Variants in RPS3 observed in about 807,000 individuals in gnomAD.
The protein encoded by RPS3 is ribosomal protein S3.
RPS3 carries 2 observed loss-of-function variants against 25.8 expected under a neutral mutation model. That is an observed-to-expected ratio of 0.08 (90% confidence interval 0.03 to 0.24). The LOEUF (loss-of-function observed/expected upper bound fraction) is 0.24, where lower values mean the gene tolerates loss of function less well. Among genes scored for constraint, RPS3 ranks in the 10% least tolerant of loss-of-function variants. The pLI is 1.00. For synonymous variants in RPS3, 114 were observed against 114.2 expected (o/e 1.00, Z 0.01); for missense variants, 107 against 307.1 (o/e 0.35, Z 4.87).
chr11:75,413,805 G>T (rs1329548756), intron 6 of RPS3, among the ~76,000 whole-genome samples: 1 of 152,126 alleles, frequency 6.6e-6, no homozygotes, highest in Non-Finnish European at 1.5e-5. Context: ...CAGCAAATTA[G>T]GTATTGTATC....
chr11:75,401,848 T>A (rs1017238007), intron 3 of RPS3, 115 bp downstream of exon 3: 15 of 676,704 alleles, frequency 2.2e-5, no homozygotes, highest in Non-Finnish European at 3.2e-5. Flanking sequence ...GTATAACTGT[T>A]GAAATTCTCT....
In RPS3 at chr11:75,404,500, G is replaced by C; in HGVS notation, c.539-172G>C. The C allele has an allele frequency of 1.2e-6, 1 of 811,788 alleles. No individual in the cohort carries two copies. The highest frequency in any genetic ancestry group is 2.2e-6 in the Non-Finnish European group (1 of 448,968). 50.3% of individuals were successfully genotyped at this position (811,788 alleles called of 1,614,324 possible). ...TGTCAGTGCCATGTTCTGTGGTGCT[G>C]TGCACGAGTTCCTTTGGCAGAAGTG... On this transcript the variant is annotated intron_variant, in intron 5 of 6. Transcript: ENST00000531188. The surrounding 1 kb of genome is among the most constrained non-coding windows in gnomAD (Gnocchi z 4.6).
In RPS3 at chr11:75,402,543, CA is replaced by C. The variant is rs144854939; in HGVS notation, c.350+98del. ...TAGCAGATGAACTGTTACAAAGTTA[CA>C]GGATCTGCTAGTCTCCCAGGGTTAT... is the stretch of plus-strand genomic sequence containing the variant. On this transcript the variant is annotated intron_variant, in intron 4 of 6. Coordinates refer to ENST00000531188, the MANE Select transcript of RPS3 (RefSeq NM_001005.5). 695 of 1,315,018 alleles carry C rather than the reference CA, an allele frequency of 5.3e-4. 2 individuals carry two copies. In the African/African-American group the frequency reaches 9.1e-3, roughly 17 times the overall value. 81.5% of individuals were successfully genotyped at this position (1,315,018 alleles called of 1,614,324 possible). A position where few individuals can be genotyped will look rare whatever the true frequency, so the allele number is the denominator to read the frequency against.
intron 6 of RPS3, among the ~76,000 whole-genome samples, chr11:75,416,196 C>T (rs1156985221): frequency 6.6e-6 from 1 of 152,164 alleles, no homozygotes; most frequent in Non-Finnish European, 1.5e-5. Flanking sequence ...TAGCACAATG[C>T]CTGACCTATC....
chr11:75,414,598 G>A (rs1352365349), intron 6 of RPS3, among the ~76,000 whole-genome samples: 3 of 131,808 alleles, frequency 2.3e-5, no homozygotes, highest in South Asian at 2.6e-4. Flanking sequence ...GCGACAGAGC[G>A]AGACTCTCAA....
At position 75,404,587 on chromosome 11, in the gene RPS3, G is replaced by T; in HGVS notation, c.539-85G>T. 2 of 1,354,198 alleles carry T rather than the reference G, an allele frequency of 1.5e-6. No homozygotes were observed. Among genetic ancestry groups the T allele is most frequent in the South Asian group, 2.4e-5 (2 of 85,036 alleles). The allele number at this position is 1,354,198 out of a possible 1,614,324, so 83.9% of individuals were successfully genotyped here. ...GAAGGGTCCAGACCCAGGGGTGCTT[G>T]AGTAAACTGCTTGCTCTCTTTGGTC... is the stretch of plus-strand genomic sequence containing the variant. On this transcript the variant is annotated intron_variant, in intron 5 of 6. Transcript: ENST00000531188. The surrounding 1 kb of genome is among the most constrained non-coding windows in gnomAD (Gnocchi z 4.6).
At chr11:75,413,686 C>T (rs542037395) in intron 6 of RPS3, among the ~76,000 whole-genome samples, 2 of 152,250 alleles carry the variant, frequency 1.3e-5, no homozygotes, top group Non-Finnish European at 2.9e-5. Context: ...TGTTCAGAAG[C>T]CATTTTAGAA....
At chr11:75,402,506 C>T (rs1948225207) in intron 4 of RPS3, 60 bp downstream of exon 4, 1 of 1,530,620 alleles carries the variant, frequency 6.5e-7, no homozygotes, top group Non-Finnish European at 8.9e-7. Flanking sequence ...ACATGTCTGC[C>T]ATTTGTTAAT....
intron 6 of RPS3, among the ~76,000 whole-genome samples, chr11:75,418,124 A>C (rs866429781): frequency 1.3e-5 from 2 of 152,218 alleles, no homozygotes; most frequent in South Asian, 2.1e-4. Context: ...CTAAGGCCAC[A>C]CAGCTGAAGC....
At chr11:75,414,109 A>G (rs1220332656) in intron 6 of RPS3, among the ~76,000 whole-genome samples, 1 of 152,202 alleles carries the variant, frequency 6.6e-6, no homozygotes, top group African/African-American at 2.4e-5. Flanking sequence ...TGTCTGACCC[A>G]GCTGCTGAAA....
intron 4 of RPS3, 115 bp downstream of exon 4, chr11:75,402,561 C>T: frequency 8.9e-7 from 1 of 1,121,064 alleles, no homozygotes; most frequent in Admixed American, 2.4e-5. Flanking sequence ...GCTAGTCTCC[C>T]AGGGTTATAA....
intron 4 of RPS3, chr11:75,403,139 G>A (rs1013654995): frequency 2.0e-5 from 3 of 152,206 alleles, no homozygotes; most frequent in African/African-American, 7.2e-5. Context: ...GGTAGGGATG[G>A]GTAGTGTAGG....
chr11:75,409,717 G>C (rs1592028830), downstream of RPS3, among the ~76,000 whole-genome samples: 2 of 151,142 alleles, frequency 1.3e-5, no homozygotes, highest in Admixed American at 1.3e-4. Context: ...TCCCAGACGG[G>C]GTCGTGGCCG....
At chr11:75,410,888 T>C (rs1948351856), downstream of RPS3, among the ~76,000 whole-genome samples, 1 of 152,198 alleles carries the variant, frequency 6.6e-6, no homozygotes, top group African/African-American at 2.4e-5. Flanking sequence ...CTATTTTTTA[T>C]TATTTTTTGA....
chr11:75,413,249 AT>A (rs34936491), intron 6 of RPS3, among the ~76,000 whole-genome samples: 68 of 109,622 alleles, frequency 6.2e-4, no homozygotes, highest in African/African-American at 1.6e-3. Context: ...ATATATATAT[AT>A]TTTTTTTTTT....
At chr11:75,419,037 G>A (rs1448925537) in intron 6 of RPS3, among the ~76,000 whole-genome samples, 1 of 152,152 alleles carries the variant, frequency 6.6e-6, no homozygotes, top group Non-Finnish European at 1.5e-5. Context: ...AGCTTCCGGG[G>A]AAGCATAGCA....
chr11:75,404,322 C>T lies in RPS3; in HGVS notation c.538+115C>T, dbSNP rs1045148995. ...GAAGTAGCTGGGCATGTTCATATTC[C>T]TTGGTGTATCGATTGCCACGTTGAT... is the stretch of plus-strand genomic sequence containing the variant. On this transcript the variant is annotated intron_variant, in intron 5 of 6. Transcript: ENST00000531188. The surrounding 1 kb of genome is among the most constrained non-coding windows in gnomAD (Gnocchi z 4.6). The T allele has an allele frequency of 3.1e-6, 3 of 972,766 alleles. No individual in the cohort carries two copies. The Admixed American group carries it at 5.5e-5, about 18-fold the overall frequency. The allele number at this position is 972,766 out of a possible 1,614,324, so 60.3% of individuals were successfully genotyped here.
At chr11:75,408,737 G>A (rs904546080), downstream of RPS3, among the ~76,000 whole-genome samples, 1 of 152,086 alleles carries the variant, frequency 6.6e-6, no homozygotes, top group African/African-American at 2.4e-5. Flanking sequence ...GTAGAGACAG[G>A]GTTTCACTAT....
chr11:75,418,316 A>C (rs1289546250), intron 6 of RPS3, among the ~76,000 whole-genome samples: 1 of 152,238 alleles, frequency 6.6e-6, no homozygotes, highest in Non-Finnish European at 1.5e-5. Flanking sequence ...GTCTGGTGGT[A>C]AATATAACCT....
Sources: allele counts gnomAD v4.1 joint callset (sites outside exome capture counted in the v4.1 genomes callset), GRCh38; gene constraint gnomAD v4.1.1; non-coding constraint Gnocchi (gnomAD v3.1); transcripts MANE v1.5; gene names NCBI Gene and HGNC (gene_info 2026-07-23, HGNC 2026-07-21).